The following PDE10A variants were observed in gnomAD, a reference collection of about 807,000 sequenced individuals.
The protein encoded by PDE10A is cAMP and cAMP-inhibited cGMP 3',5'-cyclic phosphodiesterase 10A.
In PDE10A, 39 loss-of-function variants were observed where a neutral mutation model predicts 97.7. That is an observed-to-expected ratio of 0.40 (90% CI 0.31 to 0.52). PDE10A has a LOEUF of 0.52. PDE10A is among the 20% of genes least tolerant of loss of function. The probability of loss-of-function intolerance (pLI) is 0.56; values close to 1 mark genes in which losing one functional copy is unlikely to be tolerated. For synonymous variants in PDE10A, 371 were observed against 376.8 expected (o/e 0.98, Z 0.18); for missense variants, 731 against 1,047.8 (o/e 0.70, Z 4.17).
intron 1 of PDE10A, among the ~76,000 whole-genome samples, chr6:165,813,654 A>G (rs1779337173): frequency 6.6e-6 from 1 of 152,224 alleles, no homozygotes; most frequent in Non-Finnish European, 1.5e-5. Context: ...AGCACAATAA[A>G]CACAGCAAGC....
chr6:165,395,145 A>G (rs491517), intron 15 of PDE10A, 36 bp downstream of exon 15: 1 of 1,346,152 alleles, frequency 7.4e-7, no homozygotes. Context: ...TATGTCACCC[A>G]ATATTTCAAA....
intron 18 of PDE10A, among the ~76,000 whole-genome samples, chr6:165,355,275 G>A (rs1782954890): frequency 6.6e-6 from 1 of 152,160 alleles, no homozygotes; most frequent in Admixed American, 6.5e-5. Flanking sequence ...TAGTGAGTAT[G>A]AAAATATATG....
intron 1 of PDE10A, among the ~76,000 whole-genome samples, chr6:165,889,372 C>T (rs1287969133): frequency 6.6e-6 from 1 of 152,220 alleles, no homozygotes; most frequent in African/African-American, 2.4e-5. Context: ...AATCTGCACT[C>T]TCATATGCAA....
chr6:165,577,750 T>G (rs923051116), intron 1 of PDE10A, among the ~76,000 whole-genome samples: 1 of 152,072 alleles, frequency 6.6e-6, no homozygotes, highest in African/African-American at 2.4e-5. Context: ...AGGTGGCACA[T>G]GACGGGTGGG....
At chr6:165,777,406 C>G (rs1464040145) in intron 1 of PDE10A, among the ~76,000 whole-genome samples, 1 of 152,170 alleles carries the variant, frequency 6.6e-6, no homozygotes, top group Non-Finnish European at 1.5e-5. Flanking sequence ...CTATAGGACC[C>G]TTTTCCAAGG....
At chr6:165,774,831 C>CTTTTTTTTTTTTTTTTTTTATTTTTTTTT (rs1778127521) in intron 1 of PDE10A, 1 of 107,882 alleles carries the variant, frequency 9.3e-6, no homozygotes, top group Non-Finnish European at 1.9e-5. Context: ...ACTTTTTTTT[C>CTTTTTTTTTTTTTTTTTTTATTTTTTTTT]TTTTTTTTTT....
chr6:165,626,651 C>A (rs1445796012), intron 1 of PDE10A, among the ~76,000 whole-genome samples: 1 of 152,166 alleles, frequency 6.6e-6, no homozygotes, highest in Non-Finnish European at 1.5e-5. Context: ...GACTTTCTTA[C>A]CATTCAGGAT....
chr6:165,431,397 C>A, intron 8 of PDE10A, 25 bp downstream of exon 8: 1 of 1,566,354 alleles, frequency 6.4e-7, no homozygotes. Context: ...TAGGAAGCCC[C>A]TGCAAAAACA....
chr6:165,696,749 CGTT>C (rs1222680192), intron 1 of PDE10A, among the ~76,000 whole-genome samples: 3 of 152,024 alleles, frequency 2.0e-5, no homozygotes, highest in Non-Finnish European at 4.4e-5. Context: ...TCAAACTAGT[CGTT>C]GTAAATATGT....
intron 1 of PDE10A, among the ~76,000 whole-genome samples, chr6:165,783,376 T>C (rs1778397012): frequency 6.6e-6 from 1 of 152,180 alleles, no homozygotes; most frequent in Admixed American, 6.5e-5. Context: ...TAGATTTTTA[T>C]CCCCCACTGT....
chr6:165,511,466 G>A lies in PDE10A; in HGVS notation c.995-29123C>T, dbSNP rs139419832. ...GTATATCCTGAAGACTGTTCCATGT[G>A]CTGATGAGAAGAATGGGTATTCCAC... On this transcript the variant is annotated intron_variant, in intron 2 of 21. Transcript: ENST00000539869. Among the ~76,000 whole-genome samples, 475 of 152,060 alleles carry A rather than the reference G, an allele frequency of 3.1e-3. 2 individuals carry two copies. The highest frequency in any genetic ancestry group is 0.011 in the African/African-American group (437 of 41,526).
chr6:165,741,328 TG>T (rs1368875224), intron 1 of PDE10A, among the ~76,000 whole-genome samples: 1 of 152,178 alleles, frequency 6.6e-6, no homozygotes, highest in Non-Finnish European at 1.5e-5. Flanking sequence ...AATTATTGCC[TG>T]AAAAAAATTT....
chr6:165,714,776 G>T lies in PDE10A; in HGVS notation c.-614-171208C>A, dbSNP rs552183635. On this transcript the variant is annotated intron_variant, in intron 1 of 19. Coordinates refer to the PDE10A transcript ENST00000366882. Reference sequence around the variant, plus strand: ...CAGTGGATGCACCCCCAGAGTCTCAGGCAGGAGGAGAGTGACTGTTCAGTG... The same window carrying T: ...CAGTGGATGCACCCCCAGAGTCTCATGCAGGAGGAGAGTGACTGTTCAGTG... Among the ~76,000 whole-genome samples the T allele has an allele frequency of 7.2e-5, 11 of 152,372 alleles. No individual in the cohort carries two copies. In the South Asian group the frequency reaches 2.1e-3, roughly 29 times the overall value.
chr6:165,399,657 T>C (rs1786476730), intron 13 of PDE10A, among the ~76,000 whole-genome samples: 1 of 149,628 alleles, frequency 6.7e-6, no homozygotes, highest in Admixed American at 6.6e-5. Flanking sequence ...TTCCCACCTA[T>C]GAGTGAGAAC....
At chr6:165,873,585 C>T (rs1005439672) in intron 1 of PDE10A, among the ~76,000 whole-genome samples, 2 of 152,034 alleles carry the variant, frequency 1.3e-5, no homozygotes, top group Non-Finnish European at 2.9e-5. Flanking sequence ...TTACAGATAG[C>T]CTTTAAAGAT....
intron 18 of PDE10A, among the ~76,000 whole-genome samples, chr6:165,357,744 C>CTT (rs5881646): frequency 1.3e-5 from 2 of 151,522 alleles, no homozygotes; most frequent in African/African-American, 2.4e-5. Context: ...TTAATATTTT[C>CTT]TTTTTTTTCC....
chr6:165,824,403 G>T (rs1779665686), intron 1 of PDE10A, among the ~76,000 whole-genome samples: 1 of 152,174 alleles, frequency 6.6e-6, no homozygotes, highest in African/African-American at 2.4e-5. Flanking sequence ...GACTCAAGAA[G>T]CTTTTGCTTT....
chr6:165,664,322 A>C (rs1255837215), upstream of PDE10A, among the ~76,000 whole-genome samples: 1 of 151,908 alleles, frequency 6.6e-6, no homozygotes, highest in Non-Finnish European at 1.5e-5. Context: ...CAGATTCCTC[A>C]CTAGTCGATG....
intron 1 of PDE10A, among the ~76,000 whole-genome samples, chr6:165,691,757 G>A (rs759409613): frequency 4.1e-4 from 62 of 152,186 alleles, no homozygotes; most frequent in Non-Finnish European, 7.6e-4. Context: ...CCATGCCTTC[G>A]CCTCTCAGCT....
Sources: gnomAD v4.1 joint callset for allele counts (sites outside exome capture counted in the v4.1 genomes callset) on GRCh38, gnomAD v4.1.1 for gene constraint, MANE v1.5 for transcripts, NCBI Gene and HGNC (gene_info 2026-07-23, HGNC 2026-07-21) for gene names.